Variants in MAN1C1 observed in about 807,000 individuals in gnomAD.
MAN1C1 encodes the protein mannosidase alpha class 1C member 1.
In MAN1C1, 49 loss-of-function variants were observed where a neutral mutation model predicts 71.5. The ratio of observed to expected loss-of-function variants is 0.69; its 90% CI spans 0.54 to 0.87. MAN1C1 has a LOEUF of 0.87. MAN1C1 is among the 40% of genes least tolerant of loss of function. The probability of loss-of-function intolerance (pLI) is 0.00; values close to 1 mark genes in which losing one functional copy is unlikely to be tolerated. For synonymous variants in MAN1C1, 352 were observed against 343.7 expected (o/e 1.02, Z -0.27); for missense variants, 743 against 835.0 (o/e 0.89, Z 1.36).
intron 5 of MAN1C1, among the ~76,000 whole-genome samples, chr1:25,755,343 C>T (rs1377040938): frequency 6.6e-6 from 1 of 152,206 alleles, no homozygotes; most frequent in African/African-American, 2.4e-5. Context: ...GTCTTTTTCA[C>T]TCATGCTCTC....
At chr1:25,665,001 G>C (rs1457437559) in intron 1 of MAN1C1, among the ~76,000 whole-genome samples, 1 of 152,222 alleles carries the variant, frequency 6.6e-6, no homozygotes, top group Non-Finnish European at 1.5e-5. Flanking sequence ...TGCTAGCCTG[G>C]TTAAGAGTTA....
chr1:25,683,432 C>T (rs2046183032), intron 1 of MAN1C1, among the ~76,000 whole-genome samples: 1 of 152,238 alleles, frequency 6.6e-6, no homozygotes, highest in African/African-American at 2.4e-5. Context: ...AAATACTTAA[C>T]AAGCACCTTC....
In MAN1C1 at chr1:25,757,442, G is replaced by A. The variant is rs144502936; in HGVS notation, c.930-1150G>A. ...CCTTCCTGCAGACCCTGTGCCCTTG[G>A]TTGTCCTAAATATCCCACAGGAAAG... On this transcript the variant is annotated intron_variant, in intron 5 of 11. Coordinates refer to ENST00000374332, the MANE Select transcript of MAN1C1 (RefSeq NM_020379.4). 3.1e-4 allele frequency among the ~76,000 whole-genome samples: 47 copies of A among 152,132 alleles called. No homozygotes were observed. The East Asian group carries it at 3.5e-3, about 11-fold the overall frequency.
At chr1:25,638,092 T>A (rs1305332670) in intron 1 of MAN1C1, among the ~76,000 whole-genome samples, 1 of 152,128 alleles carries the variant, frequency 6.6e-6, no homozygotes, top group Admixed American at 6.5e-5. Context: ...TTTATTAGTC[T>A]CATATCCTTT....
At chr1:25,731,151 T>C (rs1427675896) in intron 2 of MAN1C1, among the ~76,000 whole-genome samples, 1 of 152,082 alleles carries the variant, frequency 6.6e-6, no homozygotes, top group Non-Finnish European at 1.5e-5. Context: ...ACCCCGTCTG[T>C]ACAAAAAAAT....
In MAN1C1 at chr1:25,775,458, T is replaced by C. The variant is rs1367083844; in HGVS notation, c.1258-2647T>C. On this transcript the variant is annotated intron_variant, in intron 8 of 11. Transcript: ENST00000374332. This position sits in a 1 kb window ranked among gnomAD's most constrained non-coding sequence, Gnocchi z 5.1. ...AAAAAGGAAAAAACAGACCCAGGAG[T>C]GAGCGAGTGTTCCTTGAGCATCTTC... Among the ~76,000 whole-genome samples, 1 of 151,776 alleles carries C rather than the reference T, an allele frequency of 6.6e-6. No homozygotes were observed. Among genetic ancestry groups the C allele is most frequent in the Non-Finnish European group, 1.5e-5 (1 of 67,932 alleles).
intron 1 of MAN1C1, among the ~76,000 whole-genome samples, chr1:25,672,105 T>TG (rs2046001178): frequency 6.6e-6 from 1 of 152,090 alleles, no homozygotes; most frequent in Non-Finnish European, 1.5e-5. Flanking sequence ...CCTCAGAACC[T>TG]GGGGGTGGAG....
intron 1 of MAN1C1, chr1:25,644,519 T>TATA (rs1553182595): frequency 7.0e-4 from 41 of 58,430 alleles, no homozygotes; most frequent in African/African-American, 5.4e-3. Flanking sequence ...TATATATATA[T>TATA]TTTTTTTTTT....
At chr1:25,629,651 C>T (rs889297071) in intron 1 of MAN1C1, among the ~76,000 whole-genome samples, 4 of 152,060 alleles carry the variant, frequency 2.6e-5, no homozygotes, top group Admixed American at 6.5e-5. Flanking sequence ...GAACTCCCTA[C>T]CTCAGGTGAT....
intron 2 of MAN1C1, among the ~76,000 whole-genome samples, chr1:25,712,351 C>T (rs544010555): frequency 6.6e-6 from 1 of 152,170 alleles, no homozygotes; most frequent in African/African-American, 2.4e-5. Context: ...CCTGGGGAAG[C>T]CCCTGGGTGG....
At chr1:25,623,453 GT>G (rs2045246348) in intron 1 of MAN1C1, among the ~76,000 whole-genome samples, 2 of 136,058 alleles carry the variant, frequency 1.5e-5, no homozygotes, top group South Asian at 4.3e-4. Context: ...GTTAGTGGTG[GT>G]GGGGGGGGGT....
intron 1 of MAN1C1, among the ~76,000 whole-genome samples, chr1:25,647,169 G>C (rs1042671742): frequency 6.6e-6 from 1 of 152,336 alleles, no homozygotes; most frequent in East Asian, 1.9e-4. Context: ...GGGAGGGCAC[G>C]TGGGGCCTGG....
chr1:25,688,761 G>A (rs562836394), intron 2 of MAN1C1, among the ~76,000 whole-genome samples: 1 of 152,298 alleles, frequency 6.6e-6, no homozygotes, highest in South Asian at 2.1e-4. Flanking sequence ...TCATTCATAT[G>A]GGACTGCTAT....
chr1:25,660,338 T>A (rs1340493227), intron 1 of MAN1C1, among the ~76,000 whole-genome samples: 1 of 151,166 alleles, frequency 6.6e-6, no homozygotes, highest in Admixed American at 6.6e-5. Context: ...GAGACAGAGG[T>A]TGCGGTGAGC....
intron 10 of MAN1C1, among the ~76,000 whole-genome samples, chr1:25,781,490 C>T (rs2047694170): frequency 2.0e-5 from 3 of 152,180 alleles, no homozygotes; most frequent in African/African-American, 7.2e-5. Flanking sequence ...AGCTCACCTC[C>T]ACCTCCCTCC....
chr1:25,616,818 G>T lies in MAN1C1; in HGVS notation c.-980G>T, dbSNP rs1202039257. 6.8e-6 allele frequency among the ~76,000 whole-genome samples: 1 copy of T among 148,008 alleles called. No individual in the cohort carries two copies. Among genetic ancestry groups the T allele is most frequent in the African/African-American group, 2.4e-5 (1 of 40,988 alleles). On this transcript the variant is annotated 5_prime_UTR_variant, in exon 1 of 12. Transcript: ENST00000374332. This position sits in a 1 kb window ranked among gnomAD's most constrained non-coding sequence, Gnocchi z 5.6. ...TGAAAGCCCGAGCGGCGGCGGCGGC[G>T]GGGACGGCGGTGGAGGCGGCCGGGT...
chr1:25,783,724 A>G lies in MAN1C1; in HGVS notation c.1828A>G (p.Thr610Ala). ...LLSLEDWVFN[T>A]EAHPLPVNHS... is the part of the protein sequence containing the mutation. The stretch of plus-strand genomic sequence containing the variant: ...CTCCCTGGAAGACTGGGTGTTCAAC[A>G]CCGAGGCCCACCCACTCCCGGTGAA... Residue 610 changes from threonine (T) to alanine (A), a missense_variant, in exon 12 of 12, where the codon ACC (threonine) becomes GCC (alanine). By Grantham distance (58) the Thr-to-Ala change is moderately conservative (BLOSUM62 0). Transcript: ENST00000374332. The G allele has an allele frequency of 6.2e-7, 1 of 1,613,222 alleles. No homozygotes were observed.
At chr1:25,712,316 T>G (rs2046624458) in intron 2 of MAN1C1, among the ~76,000 whole-genome samples, 1 of 152,194 alleles carries the variant, frequency 6.6e-6, no homozygotes. Flanking sequence ...TTAGGCACCT[T>G]GTTGATTTCA....
At chr1:25,618,778 AC>A (rs2045158547) in intron 1 of MAN1C1, among the ~76,000 whole-genome samples, 1 of 151,276 alleles carries the variant, frequency 6.6e-6, no homozygotes, top group South Asian at 2.1e-4. Context: ...TAAGTCCAAA[AC>A]CCCTATAGGA....
Sources: allele counts gnomAD v4.1 joint callset (sites outside exome capture counted in the v4.1 genomes callset), GRCh38; gene constraint gnomAD v4.1.1; non-coding constraint Gnocchi (gnomAD v3.1); transcripts MANE v1.5; gene names NCBI Gene and HGNC (gene_info 2026-07-23, HGNC 2026-07-21).